The following FGF12 variants were observed in gnomAD, a reference collection of about 807,000 sequenced individuals.
FGF12 encodes the protein fibroblast growth factor 12, also known as fibroblast growth factor 12B.
Under a neutral mutation model 23.6 loss-of-function variants are expected in FGF12, and 14 were observed. The ratio of observed to expected loss-of-function variants is 0.59; its 90% confidence interval spans 0.39 to 0.93. The LOEUF is 0.93. FGF12 is among the 40% of genes least tolerant of loss of function. The pLI, the probability that FGF12 is intolerant of heterozygous loss-of-function variation, is 0.00. For synonymous variants in FGF12, 62 were observed against 77.3 expected (o/e 0.80, Z 1.04); for missense variants, 175 against 217.8 (o/e 0.80, Z 1.24).
At chr3:192,367,668 T>C (rs920881679) in intron 2 of FGF12, among the ~76,000 whole-genome samples, 3 of 152,102 alleles carry the variant, frequency 2.0e-5, no homozygotes, top group Non-Finnish European at 4.4e-5. Flanking sequence ...TATATGCTAT[T>C]TAGTAAAGGA....
At chr3:192,219,243 C>A (rs1381142394) in intron 4 of FGF12, among the ~76,000 whole-genome samples, 2 of 152,030 alleles carry the variant, frequency 1.3e-5, no homozygotes. Context: ...TGCCACCATA[C>A]CCGACTGATT....
At chr3:192,193,294 T>C (rs1280072245) in intron 4 of FGF12, among the ~76,000 whole-genome samples, 1 of 152,184 alleles carries the variant, frequency 6.6e-6, no homozygotes, top group Admixed American at 6.5e-5. Flanking sequence ...AGATATAATC[T>C]GATCTGAGGT....
intron 2 of FGF12, among the ~76,000 whole-genome samples, chr3:192,553,766 C>T (rs745775656): frequency 4.6e-5 from 7 of 152,090 alleles, no homozygotes; most frequent in Non-Finnish European, 8.8e-5. Context: ...GGGGAGGAAA[C>T]GAAAAGACTA....
At chr3:192,440,088 C>CT (rs1445327436) in intron 2 of FGF12, among the ~76,000 whole-genome samples, 1 of 151,462 alleles carries the variant, frequency 6.6e-6, no homozygotes, top group Non-Finnish European at 1.5e-5. Context: ...CAGGTGAATA[C>CT]TTTTTCAGGT....
chr3:192,435,739 A>T (rs888731168), intron 2 of FGF12, among the ~76,000 whole-genome samples: 8 of 152,190 alleles, frequency 5.3e-5, no homozygotes, highest in African/African-American at 1.9e-4. Context: ...TCAAGCCTAA[A>T]TCAAAATAAG....
chr3:192,718,094 C>T (rs1387716868), intron 2 of FGF12, among the ~76,000 whole-genome samples: 2 of 149,744 alleles, frequency 1.3e-5, no homozygotes, highest in African/African-American at 4.9e-5. Flanking sequence ...GAAAATCAGA[C>T]TTCCTATCAA....
rs66633408 is a variant in FGF12, at chr3:192,375,840, G to GAA, written c.14-15304_14-15303dup. ...ATGCTTACTTTCCCTCAGCATTCTG[G>GAA]AAAAAAATTTCATCATCTTCTAGCA... On this transcript the variant is annotated intron_variant, in intron 2 of 5. Coordinates refer to ENST00000445105, the MANE Select transcript of FGF12 (RefSeq NM_004113.6). 7.5e-3 allele frequency among the ~76,000 whole-genome samples: 1,146 copies of GAA among 152,070 alleles called. 10 individuals are homozygous for GAA. The highest frequency in any genetic ancestry group is 0.011 in the Non-Finnish European group (716 of 67,986).
intron 2 of FGF12, among the ~76,000 whole-genome samples, chr3:192,643,983 A>T (rs941699517): frequency 1.3e-5 from 2 of 152,164 alleles, no homozygotes; most frequent in Admixed American, 1.3e-4. Flanking sequence ...TTACAAAGCT[A>T]AAAAACCTAA....
chr3:192,348,317 CT>C (rs1718057357), intron 3 of FGF12, among the ~76,000 whole-genome samples: 1 of 152,118 alleles, frequency 6.6e-6, no homozygotes, highest in African/African-American at 2.4e-5. Context: ...CAGTACCACT[CT>C]ATCTAGGCTG....
intron 2 of FGF12, among the ~76,000 whole-genome samples, chr3:192,375,024 C>T (rs1719414265): frequency 6.6e-6 from 1 of 152,008 alleles, no homozygotes; most frequent in Non-Finnish European, 1.5e-5. Flanking sequence ...ATTTTTGTGC[C>T]TGTACTCCCT....
At chr3:192,519,945 T>TC (rs1724775196) in intron 2 of FGF12, among the ~76,000 whole-genome samples, 1 of 152,242 alleles carries the variant, frequency 6.6e-6, no homozygotes, top group South Asian at 2.1e-4. Flanking sequence ...TTTTAGCAGT[T>TC]CCTTAATTGT....
rs139440122 is a variant in FGF12 at position 192,513,483 on chromosome 3, A to G, written c.14-152945T>C. 1.6e-4 allele frequency among the ~76,000 whole-genome samples: 25 copies of G among 152,278 alleles called. No homozygotes were observed. In the East Asian group the frequency reaches 3.3e-3, roughly 20 times the overall value. On this transcript the variant is annotated intron_variant, in intron 2 of 5. Coordinates refer to ENST00000445105, the MANE Select transcript of FGF12 (RefSeq NM_004113.6). Reference sequence around the variant, plus strand: ...GTCTTTTTAAGTAGTTTTATATTTCATTTAGACTGATGAGTAACCACAAAG... The same window carrying G: ...GTCTTTTTAAGTAGTTTTATATTTCGTTTAGACTGATGAGTAACCACAAAG...
chr3:192,422,446 G>A (rs1721562647), intron 2 of FGF12, among the ~76,000 whole-genome samples: 1 of 152,108 alleles, frequency 6.6e-6, no homozygotes. Context: ...CTTCAGAGTA[G>A]TTAACTAAAG....
chr3:192,578,024 C>A (rs1367753932), intron 2 of FGF12, among the ~76,000 whole-genome samples: 2 of 151,954 alleles, frequency 1.3e-5, no homozygotes, highest in African/African-American at 4.8e-5. Flanking sequence ...TTATGGTTGG[C>A]GGGGGGCAGG....
chr3:192,334,841 T>C (rs1407482269), intron 4 of FGF12, among the ~76,000 whole-genome samples: 2 of 152,242 alleles, frequency 1.3e-5, no homozygotes, highest in Admixed American at 1.3e-4. Context: ...CAGAGCTCAT[T>C]CCATAAATTC....
chr3:192,467,249 C>T (rs1391568172), intron 2 of FGF12, among the ~76,000 whole-genome samples: 1 of 152,096 alleles, frequency 6.6e-6, no homozygotes, highest in East Asian at 1.9e-4. Flanking sequence ...CCTAATTCTC[C>T]CACTGATCAG....
chr3:192,441,899 C>A (rs1722211256), intron 2 of FGF12, among the ~76,000 whole-genome samples: 1 of 152,214 alleles, frequency 6.6e-6, no homozygotes, highest in African/African-American at 2.4e-5. Context: ...GAATTTTACT[C>A]TCTAGGTTAG....
chr3:192,634,802 TGTGA>T (rs745733154), intron 2 of FGF12, among the ~76,000 whole-genome samples: 2 of 152,186 alleles, frequency 1.3e-5, no homozygotes, highest in South Asian at 2.1e-4. Flanking sequence ...AGAAAATAAC[TGTGA>T]GTGTTTAAAA....
intron 2 of FGF12, among the ~76,000 whole-genome samples, chr3:192,425,646 G>T (rs1721668213): frequency 6.6e-6 from 1 of 152,122 alleles, no homozygotes; most frequent in Non-Finnish European, 1.5e-5. Flanking sequence ...TAAGATATAT[G>T]GAGATATATG....
Sources: allele counts gnomAD v4.1 joint callset (sites outside exome capture counted in the v4.1 genomes callset), GRCh38; gene constraint gnomAD v4.1.1; transcripts MANE v1.5; gene names NCBI Gene and HGNC (gene_info 2026-07-23, HGNC 2026-07-21).